The following MYO7B variants were observed in gnomAD, a reference collection of about 807,000 sequenced individuals.
MYO7B encodes unconventional myosin-VIIb.
A neutral mutation model predicts 259.7 loss-of-function variants in MYO7B; 212 were observed. The ratio of observed to expected loss-of-function variants is 0.82; its 90% CI spans 0.73 to 0.91. The LOEUF is 0.91. Among genes scored for constraint, MYO7B ranks in the 40% least tolerant of loss-of-function variants. The pLI, the probability that MYO7B is intolerant of heterozygous loss-of-function variation, is 0.00. For synonymous variants in MYO7B, 1,197 were observed against 1,166.4 expected (o/e 1.03, Z -0.54); for missense variants, 2,732 against 2,813.5 (o/e 0.97, Z 0.66).
In MYO7B at chr2:127,633,266, C is replaced by T. The variant is rs1402420368; in HGVS notation, c.5414C>T (p.Pro1805Leu). ...RRIQKVLRTGPRKQPPHQVEV... is the reference protein window; with the variant it reads ...RRIQKVLRTGLRKQPPHQVEV... ...CACGCTGTCCCCCTCAGGACGGGGC[C>T]CCGGAAGCAGCCCCCGCACCAGGTG... The change falls in exon 40 of 48, where the codon CCC becomes CTC. Residue 1805 changes from proline (P) to leucine (L), a missense_variant. Physicochemically the swap from Pro to Leu is moderately conservative, Grantham distance 98. Around this residue, in one of 3 missense-constraint regions of MYO7B, gnomAD observed 821 missense variants for 769.3 expected, o/e 1.07. Coordinates refer to ENST00000409816, the MANE Select transcript of MYO7B (RefSeq NM_001393586.1). 1.2e-6 allele frequency: 2 copies of T among 1,610,170 alleles called. No homozygotes were observed. Among genetic ancestry groups the T allele is most frequent in the Non-Finnish European group, 1.7e-6 (2 of 1,178,914 alleles).
chr2:127,634,057 C>A, intron 40 of MYO7B, 119 bp from the exon 41 acceptor site: 1 of 771,858 alleles, frequency 1.3e-6, no homozygotes, highest in South Asian at 1.6e-5. Flanking sequence ...CTGCTCAGGG[C>A]AGACCACATC....
intron 18 of MYO7B, 106 bp downstream of exon 18, chr2:127,593,750 A>G: frequency 9.9e-7 from 1 of 1,011,950 alleles, no homozygotes; most frequent in Non-Finnish European, 1.5e-6. Flanking sequence ...TGAGCCAATG[A>G]CACTGGGCAG....
intron 26 of MYO7B, among the ~76,000 whole-genome samples, chr2:127,617,380 C>T (rs1045474324): frequency 6.6e-6 from 1 of 152,090 alleles, no homozygotes; most frequent in African/African-American, 2.4e-5. Flanking sequence ...CCAAATTCTT[C>T]CCCATGTTAC....
chr2:127,625,334 T>C, intron 30 of MYO7B, 34 bp from the exon 31 acceptor site: 1 of 1,469,092 alleles, frequency 6.8e-7, no homozygotes, highest in Non-Finnish European at 9.0e-7. Flanking sequence ...CTCACTTGTC[T>C]CACTCGCCCC....
At chr2:127,538,723 G>A (rs979207836) in intron 1 of MYO7B, among the ~76,000 whole-genome samples, 1 of 151,762 alleles carries the variant, frequency 6.6e-6, no homozygotes, top group Non-Finnish European at 1.5e-5. Context: ...ACACCACCAC[G>A]CCCGGCTAAT....
rs1453192568 is a variant in MYO7B, at chr2:127,559,863, G to A, written c.18+123G>A. 3.4e-6 allele frequency: 4 copies of A among 1,188,938 alleles called. No homozygotes were observed. The Admixed American group carries it at 5.2e-5, about 16-fold the overall frequency. 73.6% of individuals were successfully genotyped at this position (1,188,938 alleles called of 1,614,324 possible). The stretch of plus-strand genomic sequence containing the variant: ...CTATAGGAAAATACCAGAGACAGGG[G>A]AGTTTAGGAAACACGACAGATTCTA... On this transcript the variant is annotated intron_variant, in intron 2 of 47. Transcript: ENST00000409816. The surrounding 1 kb of genome is among the most constrained non-coding windows in gnomAD (Gnocchi z 4.1).
chr2:127,573,081 C>A (rs565499154), intron 6 of MYO7B, among the ~76,000 whole-genome samples: 1 of 152,238 alleles, frequency 6.6e-6, no homozygotes, highest in East Asian at 1.9e-4. Context: ...ATTGGGATTC[C>A]TCGAGAGAGA....
chr2:127,582,224 C>A, intron 11 of MYO7B, 80 bp from the exon 12 acceptor site: 2 of 1,549,164 alleles, frequency 1.3e-6, no homozygotes, highest in Non-Finnish European at 1.8e-6. Flanking sequence ...CCAAGACATT[C>A]GGCCTCTCCA....
At chr2:127,631,520 G>A in intron 37 of MYO7B, 80 bp from the exon 38 acceptor site, 4 of 1,549,260 alleles carry the variant, frequency 2.6e-6, no homozygotes, top group Non-Finnish European at 3.5e-6. Flanking sequence ...TCACCGCAGG[G>A]CCGGGGTCGG....
In MYO7B at chr2:127,590,588, A is replaced by G. The variant is rs1330717414; in HGVS notation, c.1992+359A>G. Among the ~76,000 whole-genome samples the G allele has an allele frequency of 6.6e-6, 1 of 152,252 alleles. No individual in the cohort carries two copies. The highest frequency in any genetic ancestry group is 1.5e-5 in the Non-Finnish European group (1 of 68,048). On this transcript the variant is annotated intron_variant, in intron 16 of 47. Coordinates refer to ENST00000409816, the MANE Select transcript of MYO7B (RefSeq NM_001393586.1). The surrounding 1 kb of genome is among the most constrained non-coding windows in gnomAD (Gnocchi z 4.6). ...ACATGAGGTTTGCAGTACATGTCCC[A>G]TATGTAAACCACACTCAACAAAGGC...
At chr2:127,591,034 T>G (rs1042207889) in intron 16 of MYO7B, among the ~76,000 whole-genome samples, 5 of 151,968 alleles carry the variant, frequency 3.3e-5, no homozygotes, top group African/African-American at 1.2e-4. Context: ...TTTAAAAGTA[T>G]AAAAATTAGC....
chr2:127,588,338 G>T, intron 14 of MYO7B, 54 bp from the exon 15 acceptor site: 1 of 1,590,062 alleles, frequency 6.3e-7, no homozygotes. Context: ...TCTTCCCCAT[G>T]GGTGGGCAGT....
At chr2:127,572,359 C>T (rs962578531) in intron 6 of MYO7B, among the ~76,000 whole-genome samples, 4 of 146,144 alleles carry the variant, frequency 2.7e-5, no homozygotes, top group African/African-American at 7.6e-5. Context: ...GCAAAGTTTG[C>T]AGAGAGCCGA....
intron 12 of MYO7B, among the ~76,000 whole-genome samples, chr2:127,582,710 A>G (rs1299927233): frequency 6.7e-6 from 1 of 150,092 alleles, no homozygotes; most frequent in Non-Finnish European, 1.5e-5. Context: ...CATGAGCCAG[A>G]GTGGATTATC....
intron 12 of MYO7B, among the ~76,000 whole-genome samples, chr2:127,583,250 G>A (rs1055973342): frequency 6.6e-6 from 1 of 152,248 alleles, no homozygotes; most frequent in African/African-American, 2.4e-5. Flanking sequence ...CCTGCCCAAG[G>A]CCTGTCTGAT....
intron 9 of MYO7B, among the ~76,000 whole-genome samples, chr2:127,578,776 G>A (rs1678989482): frequency 6.6e-6 from 1 of 152,082 alleles, no homozygotes; most frequent in Non-Finnish European, 1.5e-5. Context: ...GGAAGAAATA[G>A]GAACAAGGAA....
rs1681862895 is a variant in MYO7B at position 127,636,960 on chromosome 2, G to T, written c.6327+47G>T. On this transcript the variant is annotated intron_variant, in intron 47 of 47. Coordinates refer to ENST00000409816, the MANE Select transcript of MYO7B (RefSeq NM_001393586.1). The surrounding 1 kb of genome is among the most constrained non-coding windows in gnomAD (Gnocchi z 4.5). ...CATCCAAGATGCATAGGACAGAGCT[G>T]CTGGAGACTGGGTTCCCCACCCTCA... The T allele has an allele frequency of 1.2e-6, 2 of 1,601,956 alleles. No individual in the cohort carries two copies. The highest frequency in any genetic ancestry group is 1.1e-5 in the South Asian group (1 of 90,862).
At position 127,636,458 on chromosome 2, in the gene MYO7B, G is replaced by A. The variant is rs990519575; in HGVS notation, c.6124-87G>A. On this transcript the variant is annotated intron_variant, in intron 45 of 47. Transcript: ENST00000409816. The surrounding 1 kb of genome is among the most constrained non-coding windows in gnomAD (Gnocchi z 4.5). ...GGCTGGAGGGCGTGGGTGTATGTGT[G>A]TATGTGCGTGTGGCCTAGATGAGCT... is the stretch of plus-strand genomic sequence containing the variant. The A allele has an allele frequency of 1.6e-5, 23 of 1,436,512 alleles. No homozygotes were observed. Among genetic ancestry groups the A allele is most frequent in the East Asian group, 4.8e-5 (2 of 41,390 alleles). 89.0% of individuals were successfully genotyped at this position (1,436,512 alleles called of 1,614,324 possible).
chr2:127,618,708 A>G (rs547457865), intron 26 of MYO7B, among the ~76,000 whole-genome samples: 94 of 152,278 alleles, frequency 6.2e-4, no homozygotes, highest in Non-Finnish European at 1.1e-3. Context: ...TCTGGAATTT[A>G]TGAGTGGTTT....
Sources: allele counts gnomAD v4.1 joint callset (sites outside exome capture counted in the v4.1 genomes callset), GRCh38; gene constraint gnomAD v4.1.1; regional missense constraint gnomAD v4.1.1; non-coding constraint Gnocchi (gnomAD v3.1); transcripts MANE v1.5; gene names NCBI Gene and HGNC (gene_info 2026-07-23, HGNC 2026-07-21).